AGAP1: variants seen among roughly 807,000 people sequenced by gnomAD.
The protein encoded by AGAP1 is arf-GAP with GTPase, ANK repeat and PH domain-containing protein 1.
Under a neutral mutation model 105.3 loss-of-function variants are expected in AGAP1, and 29 were observed. The observed-to-expected ratio is 0.28, with a 90% CI of 0.21 to 0.38. The LOEUF is 0.38. Among genes scored for constraint, AGAP1 ranks in the 10% least tolerant of loss-of-function variants. AGAP1 has a pLI of 1.00. For synonymous variants in AGAP1, 509 were observed against 485.9 expected, an observed-to-expected ratio of 1.05 and a Z score of -0.63; for missense variants, 998 against 1,165.1, an observed-to-expected ratio of 0.86 and a Z score of 2.09.
At chr2:235,780,717 A>G (rs1285447490) in intron 6 of AGAP1, among the ~76,000 whole-genome samples, 1 of 152,180 alleles carries the variant, frequency 6.6e-6, no homozygotes, top group African/African-American at 2.4e-5. Flanking sequence ...AAGTTGGGGG[A>G]AAAATTACTT....
chr2:235,824,248 A>T lies in AGAP1; in HGVS notation c.1050+16917A>T, dbSNP rs1436016889. Among the ~76,000 whole-genome samples, 2 of 152,184 alleles carry T rather than the reference A, an allele frequency of 1.3e-5. No individual in the cohort carries two copies. Among genetic ancestry groups the T allele is most frequent in the African/African-American group, 2.4e-5 (1 of 41,436 alleles). On this transcript the variant is annotated intron_variant, in intron 9 of 17. Transcript: ENST00000304032. The surrounding 1 kb of genome is among the most constrained non-coding windows in gnomAD (Gnocchi z 5.2). ...CCTTCTGTGAGATCCCTTTCCCCTT[A>T]ATACAGAAATCCTCTAAGTGTATTC...
intron 9 of AGAP1, among the ~76,000 whole-genome samples, chr2:235,852,406 G>T (rs1416995211): frequency 1.3e-5 from 2 of 152,244 alleles, no homozygotes; most frequent in Admixed American, 6.5e-5. Flanking sequence ...GGAAAGGGGG[G>T]GGAACCCCGA....
At chr2:236,028,263 C>A (rs900606202) in intron 13 of AGAP1, among the ~76,000 whole-genome samples, 3 of 152,118 alleles carry the variant, frequency 2.0e-5, no homozygotes, top group African/African-American at 7.2e-5. Context: ...GCCAATTAGC[C>A]TGGGTTTCAT....
rs1031596166 is a variant in AGAP1 at position 235,994,463 on chromosome 2, G to A, written c.1645+25840G>A. Among the ~76,000 whole-genome samples, 4 of 152,158 alleles carry A rather than the reference G, an allele frequency of 2.6e-5. No homozygotes were observed. Among genetic ancestry groups the A allele is most frequent in the African/African-American group, 9.7e-5 (4 of 41,424 alleles). ...TGTGTGCCTCTTGGAGTTACTTGTT[G>A]ATAGGACAGCGTTAAGGGGGTCGTT... On this transcript the variant is annotated intron_variant, in intron 13 of 17. Transcript: ENST00000304032. The surrounding 1 kb of genome is among the most constrained non-coding windows in gnomAD (Gnocchi z 4.4).
chr2:235,546,227 G>T (rs2149105516), intron 1 of AGAP1, among the ~76,000 whole-genome samples: 1 of 152,316 alleles, frequency 6.6e-6, no homozygotes. Context: ...CGAGCCCAAG[G>T]TAGAGCTGCA....
At chr2:236,021,386 C>G (rs2125600777) in intron 13 of AGAP1, among the ~76,000 whole-genome samples, 1 of 152,168 alleles carries the variant, frequency 6.6e-6, no homozygotes, top group South Asian at 2.1e-4. Context: ...GCTGAAGATT[C>G]CTGGTAAGCC....
intron 9 of AGAP1, among the ~76,000 whole-genome samples, chr2:235,817,498 C>T (rs923298521): frequency 6.6e-6 from 1 of 151,754 alleles, no homozygotes; most frequent in African/African-American, 2.4e-5. Flanking sequence ...CACTGAAGGC[C>T]ATGTTTTGAA....
rs1465587355 is a variant in AGAP1 at position 235,842,653 on chromosome 2, T to A, written c.1050+35322T>A. On this transcript the variant is annotated intron_variant, in intron 9 of 17. Transcript: ENST00000304032. The surrounding 1 kb of genome is among the most constrained non-coding windows in gnomAD (Gnocchi z 5.3). ...AAGACCCACCTGTAGCAAGCCTCCA[T>A]GTGGATTTGAGTTTCTTACCCTATG... 6.6e-6 allele frequency among the ~76,000 whole-genome samples: 1 copy of A among 152,178 alleles called. No homozygotes were observed. Among genetic ancestry groups the A allele is most frequent in the African/African-American group, 2.4e-5 (1 of 41,448 alleles).
At chr2:235,853,150 T>C (rs1017870538) in intron 9 of AGAP1, 5 of 1,150,596 alleles carry the variant, frequency 4.3e-6, no homozygotes, top group Non-Finnish European at 5.3e-6. Context: ...GCGCTTTGCA[T>C]GTTTTGGGTA....
In AGAP1 at chr2:236,084,891, G is replaced by A. The variant is rs1012766819; in HGVS notation, c.2115-35301G>A. Among the ~76,000 whole-genome samples the A allele has an allele frequency of 1.7e-4, 25 of 149,764 alleles. 1 individual carries two copies. The highest frequency in any genetic ancestry group is 5.4e-4 in the African/African-American group (22 of 40,576). On this transcript the variant is annotated intron_variant, in intron 16 of 17. Coordinates refer to ENST00000304032, the MANE Select transcript of AGAP1 (RefSeq NM_001037131.3). ...TGCACTGTAATCTGGGCAAAAGAGC[G>A]AGACTCCATCTCAAAAAAATAAAAT...
chr2:235,819,681 C>G (rs918109522), intron 9 of AGAP1, among the ~76,000 whole-genome samples: 7 of 151,930 alleles, frequency 4.6e-5, no homozygotes, highest in African/African-American at 1.7e-4. Flanking sequence ...GATGCCCGTC[C>G]GATCTTGGGA....
chr2:236,026,549 C>T (rs888219164), intron 13 of AGAP1, among the ~76,000 whole-genome samples: 3 of 152,072 alleles, frequency 2.0e-5, no homozygotes, highest in Non-Finnish European at 2.9e-5. Context: ...GCCAACATGG[C>T]GAAACCTCAG....
chr2:235,839,934 A>T (rs1327773814), intron 9 of AGAP1, among the ~76,000 whole-genome samples: 1 of 152,264 alleles, frequency 6.6e-6, no homozygotes, highest in Non-Finnish European at 1.5e-5. Flanking sequence ...TTCTGTTAAA[A>T]TGAGAAAGTC....
Position 235,854,120 on chromosome 2 carries a change from G to A in AGAP1, c.1051-29225G>A, listed in dbSNP as rs557179032. On this transcript the variant is annotated intron_variant, in intron 9 of 17. Transcript: ENST00000304032. Reference sequence around the variant, plus strand: ...ATACTCAGCTAGAGAGAGTGGAGCCGCTGTGTTGAGACAGGCACTCCCCCT... The same window carrying A: ...ATACTCAGCTAGAGAGAGTGGAGCCACTGTGTTGAGACAGGCACTCCCCCT... Among the ~76,000 whole-genome samples, 24 of 152,216 alleles carry A rather than the reference G, an allele frequency of 1.6e-4. No individual in the cohort carries two copies. The East Asian group carries it at 1.9e-3, about 12-fold the overall frequency.
chr2:236,007,697 AGAAAG>A, intron 13 of AGAP1, among the ~76,000 whole-genome samples: 1 of 152,262 alleles, frequency 6.6e-6, no homozygotes, highest in Non-Finnish European at 1.5e-5. Context: ...ATTAAAAAGA[AGAAAG>A]GGATGAGGGA....
At chr2:235,790,478 C>T (rs1956907781) in intron 6 of AGAP1, among the ~76,000 whole-genome samples, 2 of 152,158 alleles carry the variant, frequency 1.3e-5, no homozygotes, top group South Asian at 4.1e-4. Context: ...CACCCCTGCA[C>T]ACTCCCTTTC....
In AGAP1 at chr2:235,655,142, A is replaced by G. The variant is rs957099261; in HGVS notation, c.164-54037A>G. ...TTGACACAAGGTCAGCATAGATTTA[A>G]CAGGAGACATAAGCTTTGAAAATTT... On this transcript the variant is annotated intron_variant, in intron 1 of 17. Transcript: ENST00000304032. This position sits in a 1 kb window ranked among gnomAD's most constrained non-coding sequence, Gnocchi z 4.3. 6.6e-6 allele frequency among the ~76,000 whole-genome samples: 1 copy of G among 152,076 alleles called. No homozygotes were observed. The highest frequency in any genetic ancestry group is 2.4e-5 in the African/African-American group (1 of 41,396).
In AGAP1 at chr2:235,751,930, G is replaced by A. The variant is rs890186453; in HGVS notation, c.673+1442G>A. Reference sequence around the variant, plus strand: ...TCGGGCACCTCCTGCTGCCTCTGTCGGGAGAATGTCCTGTGGGGAGTAAAC... The same window carrying A: ...TCGGGCACCTCCTGCTGCCTCTGTCAGGAGAATGTCCTGTGGGGAGTAAAC... On this transcript the variant is annotated intron_variant, in intron 6 of 17. Coordinates refer to ENST00000304032, the MANE Select transcript of AGAP1 (RefSeq NM_001037131.3). This position sits in a 1 kb window ranked among gnomAD's most constrained non-coding sequence, Gnocchi z 5.3. Among the ~76,000 whole-genome samples, 4 of 152,130 alleles carry A rather than the reference G, an allele frequency of 2.6e-5. No individual in the cohort carries two copies. Among genetic ancestry groups the A allele is most frequent in the East Asian group, 3.9e-4 (2 of 5,168 alleles).
At position 235,582,232 on chromosome 2, in the gene AGAP1, A is replaced by T. The variant is rs951903840; in HGVS notation, c.163+87383A>T. Reference sequence around the variant, plus strand: ...TTTGACCCATTCTTGCCCCAGCTTGAGCCTGACCTTTGGCAGGTCCAGGAG... The same window carrying T: ...TTTGACCCATTCTTGCCCCAGCTTGTGCCTGACCTTTGGCAGGTCCAGGAG... On this transcript the variant is annotated intron_variant, in intron 1 of 17. Transcript: ENST00000304032. This position sits in a 1 kb window ranked among gnomAD's most constrained non-coding sequence, Gnocchi z 4.7. 1.3e-5 allele frequency among the ~76,000 whole-genome samples: 2 copies of T among 152,234 alleles called. No individual in the cohort carries two copies. The highest frequency in any genetic ancestry group is 3.9e-4 in the East Asian group (2 of 5,176).
Sources: allele counts gnomAD v4.1 joint callset (sites outside exome capture counted in the v4.1 genomes callset), GRCh38; gene constraint gnomAD v4.1.1; non-coding constraint Gnocchi (gnomAD v3.1); transcripts MANE v1.5; gene names NCBI Gene and HGNC (gene_info 2026-07-23, HGNC 2026-07-21).